DLEU7: variants seen among roughly 807,000 people sequenced by gnomAD.
The protein encoded by DLEU7 is leukemia-associated protein 7.
A neutral mutation model predicts 16.0 loss-of-function variants in DLEU7; 17 were observed. The ratio of observed to expected loss-of-function variants is 1.06; its 90% confidence interval spans 0.73 to 1.59. The LOEUF is 1.59. Among genes scored for constraint, DLEU7 ranks in the 40% most tolerant of loss-of-function variants. The pLI is 0.00. For synonymous variants in DLEU7, 113 were observed against 139.8 expected, an observed-to-expected ratio of 0.81 and a Z score of 1.35; for missense variants, 308 against 314.9, an observed-to-expected ratio of 0.98 and a Z score of 0.17.
chr13:50,820,062 C>A (rs1184971880), downstream of DLEU7, among the ~76,000 whole-genome samples: 1 of 152,008 alleles, frequency 6.6e-6, no homozygotes, highest in African/African-American at 2.4e-5. Flanking sequence ...GAAAGTGACT[C>A]AAGGAGGGAA....
intron 1 of DLEU7, among the ~76,000 whole-genome samples, chr13:50,799,473 T>C (rs1876190984): frequency 6.6e-6 from 1 of 152,224 alleles, no homozygotes; most frequent in South Asian, 2.1e-4. Flanking sequence ...AACTGCCTTG[T>C]AGCAAAGTGA....
At chr13:50,782,132 A>C (rs1258540632) in intron 1 of DLEU7, among the ~76,000 whole-genome samples, 1 of 152,168 alleles carries the variant, frequency 6.6e-6, no homozygotes, top group Admixed American at 6.5e-5. Context: ...TCCCTCCGTT[A>C]GTGGTCTGAT....
chr13:50,793,492 T>C (rs190081530), intron 1 of DLEU7, among the ~76,000 whole-genome samples: 91 of 152,348 alleles, frequency 6.0e-4, no homozygotes, highest in African/African-American at 2.0e-3. Context: ...GGTTCCCTTT[T>C]CTCTGCAGCC....
At chr13:50,712,515 A>G (rs1873320824) in exon 2 of DLEU7, 1 of 152,474 alleles carries the variant, frequency 6.6e-6, no homozygotes, top group Non-Finnish European at 1.5e-5. Flanking sequence ...GCAGCATATA[A>G]TTTTTTTACT....
At chr13:50,783,680 A>T (rs1875718162) in intron 1 of DLEU7, among the ~76,000 whole-genome samples, 1 of 152,194 alleles carries the variant, frequency 6.6e-6, no homozygotes, top group Non-Finnish European at 1.5e-5. Flanking sequence ...CTCTGCCACA[A>T]ACAGGTAGCA....
At chr13:50,714,100 A>G (rs2706228) in intron 1 of DLEU7, among the ~76,000 whole-genome samples, 12,066 of 152,292 alleles carry the variant, frequency 0.079, 549 homozygotes, top group East Asian at 0.16. Flanking sequence ...TACTCAAGCT[A>G]TGTAGTCTCA....
chr13:50,794,275 A>C (rs1876048743), intron 1 of DLEU7, among the ~76,000 whole-genome samples: 1 of 150,130 alleles, frequency 6.7e-6, no homozygotes, highest in African/African-American at 2.5e-5. Flanking sequence ...AAGAGTTTAC[A>C]TTTTTAAAAA....
intron 1 of DLEU7, among the ~76,000 whole-genome samples, chr13:50,773,886 G>A (rs1875406558): frequency 6.6e-6 from 1 of 152,208 alleles, no homozygotes; most frequent in South Asian, 2.1e-4. Context: ...CAGAGATGGA[G>A]TCTACAGAGG....
intron 1 of DLEU7, among the ~76,000 whole-genome samples, chr13:50,840,896 G>T (rs144298355): frequency 4.6e-5 from 7 of 152,266 alleles, no homozygotes; most frequent in Admixed American, 3.9e-4. Flanking sequence ...CTCAGAAAAG[G>T]TGTGAGCGGG....
At chr13:50,754,460 A>G (rs2137737911) in intron 1 of DLEU7, among the ~76,000 whole-genome samples, 1 of 152,178 alleles carries the variant, frequency 6.6e-6, no homozygotes, top group East Asian at 1.9e-4. Context: ...TGCTGCTTCA[A>G]AGTTTGTTTT....
At chr13:50,766,603 T>C (rs1162221309) in intron 1 of DLEU7, among the ~76,000 whole-genome samples, 4 of 152,108 alleles carry the variant, frequency 2.6e-5, no homozygotes, top group African/African-American at 9.7e-5. Flanking sequence ...CTTTTCCCTC[T>C]GTTCAGCACC....
At position 50,782,128 on chromosome 13, in the gene DLEU7, C is replaced by T. The variant is rs192729258; in HGVS notation, c.459+61060G>A. 4.1e-4 allele frequency among the ~76,000 whole-genome samples: 63 copies of T among 152,290 alleles called. 2 individuals are homozygous for T. In the East Asian group the frequency reaches 0.011, roughly 28 times the overall value. On this transcript the variant is annotated intron_variant, in intron 1 of 1. Transcript: ENST00000400393. ...GCCTTTCTTAACACTCTCTTCCCTC[C>T]GTTAGTGGTCTGATCATGACTCCTC...
At chr13:50,748,992 C>T (rs985099737) in intron 1 of DLEU7, among the ~76,000 whole-genome samples, 2 of 152,104 alleles carry the variant, frequency 1.3e-5, no homozygotes, top group African/African-American at 2.4e-5. Context: ...ACCCATCACC[C>T]GAGCAGTATA....
At chr13:50,714,826 G>A (rs1873394469) in intron 1 of DLEU7, among the ~76,000 whole-genome samples, 1 of 152,170 alleles carries the variant, frequency 6.6e-6, no homozygotes, top group Admixed American at 6.5e-5. Flanking sequence ...GTCTATTGCT[G>A]CTGAAACAAA....
At chr13:50,721,922 A>T (rs1356328542) in intron 1 of DLEU7, among the ~76,000 whole-genome samples, 1 of 152,220 alleles carries the variant, frequency 6.6e-6, no homozygotes, top group African/African-American at 2.4e-5. Flanking sequence ...CTGAAAATAT[A>T]ATATTCAGCA....
intron 1 of DLEU7, among the ~76,000 whole-genome samples, chr13:50,761,692 C>G (rs1005322491): frequency 6.6e-6 from 1 of 152,132 alleles, no homozygotes; most frequent in Non-Finnish European, 1.5e-5. Context: ...CCAAATGAAT[C>G]ATGGGCCCCA....
chr13:50,805,740 C>A (rs895810158), intron 1 of DLEU7, among the ~76,000 whole-genome samples: 5 of 152,188 alleles, frequency 3.3e-5, no homozygotes, highest in Non-Finnish European at 7.3e-5. Context: ...AACCTCACCA[C>A]TTTGAGGCCC....
At chr13:50,816,036 T>A (rs554605536) in intron 1 of DLEU7, among the ~76,000 whole-genome samples, 7 of 152,174 alleles carry the variant, frequency 4.6e-5, no homozygotes, top group African/African-American at 1.7e-4. Context: ...GTGTTCTGAG[T>A]TTGTCTTCAA....
chr13:50,811,246 A>G (rs1196212076), intron 1 of DLEU7, among the ~76,000 whole-genome samples: 1 of 152,172 alleles, frequency 6.6e-6, no homozygotes, highest in Non-Finnish European at 1.5e-5. Context: ...TGCAAATTAG[A>G]ACAGTTTAGG....
Sources: allele counts gnomAD v4.1 joint callset (sites outside exome capture counted in the v4.1 genomes callset), GRCh38; gene constraint gnomAD v4.1.1; transcripts MANE v1.5; gene names NCBI Gene and HGNC (gene_info 2026-07-23, HGNC 2026-07-21).